TNR: variants seen among roughly 807,000 people sequenced by gnomAD.
The protein encoded by TNR is tenascin-R.
A neutral mutation model predicts 150.4 loss-of-function variants in TNR; 45 were observed. The ratio of observed to expected loss-of-function variants is 0.30; its 90% CI spans 0.24 to 0.38. TNR has a LOEUF of 0.38. Among genes scored for constraint, TNR ranks in the 10% least tolerant of loss-of-function variants. The pLI is 1.00. For synonymous variants in TNR, 687 were observed against 678.4 expected, an observed-to-expected ratio of 1.01 and a Z score of -0.20; for missense variants, 1,544 against 1,759.1, an observed-to-expected ratio of 0.88 and a Z score of 2.19.
intron 1 of TNR, among the ~76,000 whole-genome samples, chr1:175,732,299 G>A (rs1667663187): frequency 6.6e-6 from 1 of 152,232 alleles, no homozygotes; most frequent in South Asian, 2.1e-4. Flanking sequence ...TGGATGAGTA[G>A]TTACAGCTTT....
At chr1:175,638,478 A>T (rs1343271366) in intron 1 of TNR, among the ~76,000 whole-genome samples, 2 of 152,234 alleles carry the variant, frequency 1.3e-5, no homozygotes, top group Non-Finnish European at 2.9e-5. Context: ...GCACTCGTGC[A>T]TATGGCTTCA....
chr1:175,519,946 G>T (rs1170999300), intron 2 of TNR, among the ~76,000 whole-genome samples: 2 of 152,094 alleles, frequency 1.3e-5, no homozygotes, highest in Non-Finnish European at 2.9e-5. Context: ...CAAACTACTT[G>T]GGTTCAAATC....
chr1:175,469,720 A>G (rs1657200102), intron 2 of TNR, among the ~76,000 whole-genome samples: 2 of 152,058 alleles, frequency 1.3e-5, no homozygotes, highest in Non-Finnish European at 1.5e-5. Context: ...ACATGATTCT[A>G]TGGGAAGTGA....
chr1:175,437,488 A>G (rs1251539718), intron 2 of TNR, among the ~76,000 whole-genome samples: 3 of 152,230 alleles, frequency 2.0e-5, no homozygotes, highest in Non-Finnish European at 4.4e-5. Flanking sequence ...AAGAGCAAAT[A>G]CATTCAAAAG....
intron 9 of TNR, among the ~76,000 whole-genome samples, chr1:175,375,901 C>G (rs373887729): frequency 6.6e-6 from 1 of 152,320 alleles, no homozygotes; most frequent in Middle Eastern, 3.4e-3. Context: ...ATTTAATTCT[C>G]GCTACAACCC....
intron 1 of TNR, among the ~76,000 whole-genome samples, chr1:175,731,127 G>C (rs915000492): frequency 6.6e-6 from 1 of 152,218 alleles, no homozygotes; most frequent in Non-Finnish European, 1.5e-5. Context: ...AGTATCCACA[G>C]AGATACTGCA....
intron 1 of TNR, among the ~76,000 whole-genome samples, chr1:175,595,618 G>A: frequency 6.6e-6 from 1 of 152,184 alleles, no homozygotes; most frequent in East Asian, 1.9e-4. Context: ...TCAATGGTCT[G>A]TCCCATCTTT....
At chr1:175,395,885 A>G (rs558849262) in intron 5 of TNR, among the ~76,000 whole-genome samples, 1 of 152,292 alleles carries the variant, frequency 6.6e-6, no homozygotes, top group East Asian at 1.9e-4. Flanking sequence ...GTTTCCCTTT[A>G]TGTATAAAAA....
chr1:175,574,310 A>G (rs948408828), intron 1 of TNR, among the ~76,000 whole-genome samples: 1 of 152,124 alleles, frequency 6.6e-6, no homozygotes, highest in Non-Finnish European at 1.5e-5. Context: ...TCCTGTCCCC[A>G]TTGTCCTTTT....
chr1:175,575,063 A>C lies in TNR; in HGVS notation c.-164-46694T>G, dbSNP rs147915683. The stretch of plus-strand genomic sequence containing the variant: ...CTCTGCCTTCTGGAGGCCTGGCAGG[A>C]TTGCACTTTCTGGCCTCTTTAGGTT... On this transcript the variant is annotated intron_variant, in intron 1 of 22. Transcript: ENST00000367674. Among the ~76,000 whole-genome samples, 254 of 152,274 alleles carry C rather than the reference A, an allele frequency of 1.7e-3. 2 individuals carry two copies. The highest frequency in any genetic ancestry group is 0.014 in the Admixed American group (221 of 15,292).
intron 4 of TNR, 48 bp downstream of exon 4, chr1:175,403,092 T>C: frequency 1.3e-6 from 2 of 1,508,880 alleles, no homozygotes; most frequent in Non-Finnish European, 1.8e-6. Flanking sequence ...ATCCAGCTAG[T>C]TTGCTGGACC....
intron 1 of TNR, among the ~76,000 whole-genome samples, chr1:175,651,525 A>G (rs1317821962): frequency 6.6e-6 from 1 of 152,118 alleles, no homozygotes; most frequent in East Asian, 1.9e-4. Context: ...CAGATAAAAT[A>G]TATACACTTC....
intron 2 of TNR, among the ~76,000 whole-genome samples, chr1:175,414,218 G>A (rs544729022): frequency 7.8e-4 from 118 of 151,982 alleles, no homozygotes; most frequent in African/African-American, 2.6e-3. Context: ...CCCAGTTTAC[G>A]GTATTTTCTT....
intron 1 of TNR, among the ~76,000 whole-genome samples, chr1:175,647,439 A>AAAAAAAAAC (rs1664842185): frequency 6.6e-6 from 1 of 151,642 alleles, no homozygotes; most frequent in African/African-American, 2.4e-5. Context: ...TCGGTGCAAA[A>AAAAAAAAAC]AAAAAAAAAA....
At chr1:175,590,916 G>A (rs567799953) in intron 1 of TNR, among the ~76,000 whole-genome samples, 3 of 152,194 alleles carry the variant, frequency 2.0e-5, no homozygotes, top group African/African-American at 2.4e-5. Flanking sequence ...AGGATCTCAC[G>A]CTAGTTATAG....
At chr1:175,705,498 A>G (rs902842832) in intron 1 of TNR, among the ~76,000 whole-genome samples, 3 of 152,270 alleles carry the variant, frequency 2.0e-5, no homozygotes, top group Admixed American at 2.0e-4. Context: ...GAGCCTTTGG[A>G]AAGAAAAAGT....
intron 18 of TNR, among the ~76,000 whole-genome samples, chr1:175,353,950 A>T (rs1571328441): frequency 6.6e-6 from 1 of 151,600 alleles, no homozygotes; most frequent in Non-Finnish European, 1.5e-5. Context: ...GGTTCAAGTG[A>T]TTCTCTTGCC....
At chr1:175,496,989 C>T (rs80152347) in intron 2 of TNR, among the ~76,000 whole-genome samples, 2,782 of 152,302 alleles carry the variant, frequency 0.018, 40 homozygotes, top group South Asian at 0.039. Flanking sequence ...TCAAGTCATG[C>T]CTGTCCAGGC....
At chr1:175,514,195 G>A (rs775052931) in intron 2 of TNR, among the ~76,000 whole-genome samples, 6 of 152,126 alleles carry the variant, frequency 3.9e-5, no homozygotes, top group Non-Finnish European at 7.4e-5. Flanking sequence ...TAATCACAAG[G>A]GTCCCTAAAA....
Sources: gnomAD v4.1 joint callset for allele counts (sites outside exome capture counted in the v4.1 genomes callset) on GRCh38, gnomAD v4.1.1 for gene constraint, MANE v1.5 for transcripts, NCBI Gene and HGNC (gene_info 2026-07-23, HGNC 2026-07-21) for gene names.